SEMA6D: variants seen among roughly 807,000 people sequenced by gnomAD.
SEMA6D encodes semaphorin 6D.
SEMA6D carries 35 observed loss-of-function variants against 106.6 expected under a neutral mutation model. That is an observed-to-expected ratio of 0.33 (90% confidence interval 0.25 to 0.44). The LOEUF (loss-of-function observed/expected upper bound fraction) is 0.44, where lower values mean the gene tolerates loss of function less well. Ranked by LOEUF, SEMA6D falls within the 20% of genes least tolerant of loss-of-function variation. The probability of loss-of-function intolerance (pLI) is 1.00; values close to 1 mark genes in which losing one functional copy is unlikely to be tolerated. For missense variants in SEMA6D, 1,185 were observed against 1,345.9 expected, an observed-to-expected ratio of 0.88 and a Z score of 1.87; for synonymous variants, 499 against 487.7, an observed-to-expected ratio of 1.02 and a Z score of -0.31.
At chr15:47,427,083 A>ATT (rs1242829185) in intron 2 of SEMA6D, among the ~76,000 whole-genome samples, 1 of 152,122 alleles carries the variant, frequency 6.6e-6, no homozygotes, top group East Asian at 1.9e-4. Context: ...TTGTGATTGT[A>ATT]TTGAAGTAAG....
chr15:47,305,215 G>A (rs1193560255), intron 1 of SEMA6D, among the ~76,000 whole-genome samples: 7 of 152,172 alleles, frequency 4.6e-5, no homozygotes, highest in African/African-American at 1.7e-4. Context: ...AACTGACTTA[G>A]AATATAGTGT....
intron 3 of SEMA6D, among the ~76,000 whole-genome samples, chr15:47,494,800 TACACAC>T (rs71432245): frequency 3.1e-4 from 30 of 96,456 alleles, no homozygotes; most frequent in Middle Eastern, 5.3e-3. Flanking sequence ...AATCTCCAGA[TACACAC>T]ACACACACAC....
chr15:47,474,216 G>A (rs1326495912), intron 3 of SEMA6D, among the ~76,000 whole-genome samples: 1 of 152,128 alleles, frequency 6.6e-6, no homozygotes, highest in East Asian at 1.9e-4. Context: ...GAAGCTGAGG[G>A]CTGCCTGAGG....
chr15:47,314,384 G>T (rs1014362173), intron 1 of SEMA6D, among the ~76,000 whole-genome samples: 1 of 151,410 alleles, frequency 6.6e-6, no homozygotes, highest in East Asian at 2.0e-4. Context: ...GGATCACGAG[G>T]TCAGGAGATC....
chr15:47,642,063 A>T (rs2077498957), intron 4 of SEMA6D, among the ~76,000 whole-genome samples: 1 of 152,192 alleles, frequency 6.6e-6, no homozygotes, highest in Admixed American at 6.5e-5. Context: ...ATGAATTATG[A>T]TCTGTTTCCC....
chr15:47,465,160 A>T (rs1326819475), intron 2 of SEMA6D, among the ~76,000 whole-genome samples: 9 of 152,198 alleles, frequency 5.9e-5, no homozygotes, highest in African/African-American at 1.9e-4. Flanking sequence ...TTGTACTCAC[A>T]GTGCTTTGAA....
intron 1 of SEMA6D, among the ~76,000 whole-genome samples, chr15:47,356,152 T>A (rs1277501921): frequency 2.0e-5 from 3 of 152,210 alleles, no homozygotes; most frequent in East Asian, 1.9e-4. Context: ...TACCCTTTTT[T>A]AAATATTCAT....
chr15:47,353,138 G>A (rs1239441012), intron 1 of SEMA6D, among the ~76,000 whole-genome samples: 10 of 151,938 alleles, frequency 6.6e-5, no homozygotes, highest in Non-Finnish European at 1.2e-4. Context: ...GAAATCTTAA[G>A]GATTAACCTT....
chr15:47,645,503 GT>G (rs548935207), intron 4 of SEMA6D, among the ~76,000 whole-genome samples: 19 of 150,108 alleles, frequency 1.3e-4, no homozygotes, highest in Admixed American at 4.0e-4. Flanking sequence ...CAAAGTTGGA[GT>G]TTTTTTTTTC....
intron 4 of SEMA6D, among the ~76,000 whole-genome samples, chr15:47,651,236 C>A (rs992876164): frequency 6.6e-6 from 1 of 151,968 alleles, no homozygotes; most frequent in African/African-American, 2.4e-5. Context: ...AGAGCAAGAT[C>A]CCATGTTTAA....
chr15:47,254,608 T>C (rs1433664007), intron 1 of SEMA6D, among the ~76,000 whole-genome samples: 4 of 152,030 alleles, frequency 2.6e-5, no homozygotes, highest in Non-Finnish European at 5.9e-5. Context: ...ACCTAATTTG[T>C]TGAGTGTTTT....
intron 1 of SEMA6D, among the ~76,000 whole-genome samples, chr15:47,401,610 A>T (rs1380259113): frequency 2.0e-5 from 3 of 152,116 alleles, no homozygotes; most frequent in Non-Finnish European, 4.4e-5. Flanking sequence ...CCAACTTCCC[A>T]AAAGTTTACA....
chr15:47,479,209 G>T (rs895631258), intron 3 of SEMA6D, among the ~76,000 whole-genome samples: 4 of 151,802 alleles, frequency 2.6e-5, no homozygotes, highest in Non-Finnish European at 4.4e-5. Flanking sequence ...TACCAAGTGG[G>T]TTATATGCTC....
intron 4 of SEMA6D, among the ~76,000 whole-genome samples, chr15:47,618,847 T>C (rs1283167227): frequency 6.6e-6 from 1 of 152,192 alleles, no homozygotes; most frequent in East Asian, 1.9e-4. Flanking sequence ...AATAGTAACT[T>C]CTTAGGGAGG....
At chr15:47,762,140 A>T (rs747561325) in intron 7 of SEMA6D, 60 bp from the exon 8 acceptor site, 16 of 1,605,826 alleles carry the variant, frequency 1.0e-5, no homozygotes, top group African/African-American at 1.3e-5. Context: ...CACGCTGCCA[A>T]AGCTAACACA....
chr15:47,690,630 T>G (rs377403549), intron 4 of SEMA6D, among the ~76,000 whole-genome samples: 1 of 152,196 alleles, frequency 6.6e-6, no homozygotes, highest in African/African-American at 2.4e-5. Flanking sequence ...CTTCAGAATC[T>G]GCTAAACAAC....
At chr15:47,435,636 A>G (rs768040515) in intron 2 of SEMA6D, among the ~76,000 whole-genome samples, 6 of 152,106 alleles carry the variant, frequency 3.9e-5, no homozygotes. Context: ...TGCAAGATGC[A>G]TACTGTATTC....
chr15:47,308,630 C>T (rs534648588), intron 1 of SEMA6D, among the ~76,000 whole-genome samples: 38 of 152,266 alleles, frequency 2.5e-4, no homozygotes, highest in Admixed American at 9.2e-4. Context: ...AATGCTCTTA[C>T]AGAACAAGGT....
At chr15:47,368,863 A>T (rs1181955073) in intron 1 of SEMA6D, among the ~76,000 whole-genome samples, 1 of 152,128 alleles carries the variant, frequency 6.6e-6, no homozygotes, top group Non-Finnish European at 1.5e-5. Context: ...CTGGAGAGAG[A>T]TGCAGTCGTC....
Sources: allele counts gnomAD v4.1 joint callset (sites outside exome capture counted in the v4.1 genomes callset), GRCh38; gene constraint gnomAD v4.1.1; transcripts MANE v1.5; gene names NCBI Gene and HGNC (gene_info 2026-07-23, HGNC 2026-07-21).